The following LOC400499 variants were observed in gnomAD, a reference collection of about 807,000 sequenced individuals.
chr16:11,508,274 C>T, the LOC400499 span, among the ~76,000 whole-genome samples: 3 of 152,180 alleles, frequency 2.0e-5, no homozygotes, highest in Admixed American at 1.3e-4. Flanking sequence ...TGATCACCAA[C>T]GAAGGAACTG....
the LOC400499 span, among the ~76,000 whole-genome samples, chr16:11,482,964 G>C: frequency 6.6e-6 from 1 of 150,626 alleles, no homozygotes; most frequent in Non-Finnish European, 1.5e-5. Context: ...TCAAAACTCA[G>C]TAATAAGAAA....
the LOC400499 span, among the ~76,000 whole-genome samples, chr16:11,415,336 A>G: frequency 6.6e-6 from 1 of 152,210 alleles, no homozygotes. Flanking sequence ...CGTGGGGTGC[A>G]GCTCACGGCT....
the LOC400499 span, among the ~76,000 whole-genome samples, chr16:11,459,333 G>T: frequency 6.6e-6 from 1 of 151,338 alleles, no homozygotes; most frequent in African/African-American, 2.4e-5. Context: ...AGTAGCTGGG[G>T]CTACAGGCAC....
the LOC400499 span, among the ~76,000 whole-genome samples, chr16:11,430,612 G>A: frequency 0.011 from 1,673 of 152,324 alleles, 14 homozygotes; most frequent in Middle Eastern, 0.027. Flanking sequence ...TAAGGGAAAT[G>A]TAAAATGTTA....
At chr16:11,447,318 T>C in the LOC400499 span, among the ~76,000 whole-genome samples, 2 of 152,172 alleles carry the variant, frequency 1.3e-5, no homozygotes, top group South Asian at 2.1e-4. Flanking sequence ...ATAATACTGA[T>C]TGGACACAGT....
the LOC400499 span, chr16:11,494,698 G>A: frequency 2.5e-6 from 1 of 399,200 alleles, no homozygotes. Flanking sequence ...CACAGAGGTT[G>A]TGCACCAGGG....
the LOC400499 span, among the ~76,000 whole-genome samples, chr16:11,499,943 C>T: frequency 6.6e-6 from 1 of 152,216 alleles, no homozygotes; most frequent in Non-Finnish European, 1.5e-5. Flanking sequence ...TCGGTTTTCT[C>T]ACCTGCAAAA....
At chr16:11,440,279 G>T in the LOC400499 span, among the ~76,000 whole-genome samples, 1 of 152,260 alleles carries the variant, frequency 6.6e-6, no homozygotes, top group African/African-American at 2.4e-5. Context: ...TTTCTTCCTG[G>T]ACATATAGCT....
At chr16:11,411,882 A>G in the LOC400499 span, among the ~76,000 whole-genome samples, 1 of 149,380 alleles carries the variant, frequency 6.7e-6, no homozygotes, top group African/African-American at 2.5e-5. Flanking sequence ...TCTTCACTAG[A>G]GACAGGGTCT....
chr16:11,450,572 G>C, the LOC400499 span: 1 of 1,524,994 alleles, frequency 6.6e-7, no homozygotes. Context: ...TCAGTGGCAG[G>C]GGACCAGACA....
the LOC400499 span, among the ~76,000 whole-genome samples, chr16:11,434,889 T>C: frequency 5.3e-5 from 8 of 152,106 alleles, no homozygotes; most frequent in Admixed American, 1.3e-4. Context: ...CATGAGTAGG[T>C]AAATATATCC....
At chr16:11,505,426 T>A in the LOC400499 span, among the ~76,000 whole-genome samples, 2 of 150,448 alleles carry the variant, frequency 1.3e-5, no homozygotes, top group African/African-American at 4.9e-5. Context: ...TTTTATTTGA[T>A]TTTTTTAATT....
the LOC400499 span, among the ~76,000 whole-genome samples, chr16:11,396,881 T>C: frequency 1.3e-5 from 2 of 152,176 alleles, no homozygotes; most frequent in African/African-American, 4.8e-5. Flanking sequence ...TGCTTTGTTG[T>C]CCCAACCTCA....
the LOC400499 span, among the ~76,000 whole-genome samples, chr16:11,500,416 C>T: frequency 6.6e-6 from 1 of 151,974 alleles, no homozygotes; most frequent in Admixed American, 6.6e-5. Context: ...GAGGCTGAGG[C>T]AGAAGAATTG....
At chr16:11,384,504 AGAG>A in the LOC400499 span, among the ~76,000 whole-genome samples, 1 of 152,122 alleles carries the variant, frequency 6.6e-6, no homozygotes, top group Non-Finnish European at 1.5e-5. Context: ...AACCCTCATC[AGAG>A]GAGGAAGAGA....
At chr16:11,474,246 T>C in the LOC400499 span, among the ~76,000 whole-genome samples, 14 of 152,328 alleles carry the variant, frequency 9.2e-5, no homozygotes, top group African/African-American at 3.4e-4. Flanking sequence ...CTACAGGTGA[T>C]ATGCAAATGA....
At chr16:11,492,045 C>A in the LOC400499 span, among the ~76,000 whole-genome samples, 23 of 152,148 alleles carry the variant, frequency 1.5e-4, no homozygotes, top group African/African-American at 5.6e-4. Flanking sequence ...TTGCCTAATT[C>A]CCAGTCTCTA....
At chr16:11,422,044 G>A in the LOC400499 span, among the ~76,000 whole-genome samples, 4 of 152,186 alleles carry the variant, frequency 2.6e-5, no homozygotes, top group African/African-American at 7.2e-5. Context: ...TCAGTTCTCC[G>A]CCTGCCCCCA....
the LOC400499 span, among the ~76,000 whole-genome samples, chr16:11,456,306 C>T: frequency 6.6e-6 from 1 of 152,148 alleles, no homozygotes; most frequent in Non-Finnish European, 1.5e-5. Context: ...ACCCAGCCTC[C>T]TAAAGTACTA....
Sources: allele counts gnomAD v4.1 joint callset (sites outside exome capture counted in the v4.1 genomes callset), GRCh38; gene constraint gnomAD v4.1.1; transcripts MANE v1.5.